The following STARD13 variants were observed in gnomAD, a reference collection of about 807,000 sequenced individuals.
STARD13 encodes the protein stAR-related lipid transfer protein 13.
A neutral mutation model predicts 106.4 loss-of-function variants in STARD13; 62 were observed. The observed-to-expected ratio is 0.58, with a 90% CI of 0.48 to 0.72. The LOEUF is 0.72. STARD13 is among the 30% of genes least tolerant of loss of function. The pLI is 0.00. For missense variants in STARD13, 1,387 were observed against 1,424.0 expected (o/e 0.97, Z 0.42); for synonymous variants, 565 against 553.0 (o/e 1.02, Z -0.31).
chr13:33,581,847 G>T, the STARD13 span, among the ~76,000 whole-genome samples: 1 of 152,116 alleles, frequency 6.6e-6, no homozygotes, highest in Non-Finnish European at 1.5e-5. Context: ...ATAAAGGAAG[G>T]TTACTACATT....
chr13:33,650,164 ATTTTTTTT>A, the STARD13 span, among the ~76,000 whole-genome samples: 50 of 48,364 alleles, frequency 1.0e-3, 4 homozygotes, highest in Admixed American at 0.011. Context: ...CGTGACTCCA[ATTTTTTTT>A]TTTTTTTTTT....
the STARD13 span, among the ~76,000 whole-genome samples, chr13:33,640,141 A>T: frequency 6.6e-6 from 1 of 152,196 alleles, no homozygotes; most frequent in Non-Finnish European, 1.5e-5. Context: ...TAACAGGCCC[A>T]CAAGGGTGTC....
At chr13:33,676,442 A>G in the STARD13 span, among the ~76,000 whole-genome samples, 1 of 152,360 alleles carries the variant, frequency 6.6e-6, no homozygotes, top group Non-Finnish European at 1.5e-5. Flanking sequence ...TAAAAGTACA[A>G]CAAATCTACA....
At chr13:33,625,485 A>G in the STARD13 span, among the ~76,000 whole-genome samples, 18,204 of 150,472 alleles carry the variant, frequency 0.12, 2,763 homozygotes, top group African/African-American at 0.36. Context: ...CAGGAGAATC[A>G]CTTGAACCCG....
the STARD13 span, among the ~76,000 whole-genome samples, chr13:33,627,967 T>C: frequency 6.7e-6 from 1 of 150,358 alleles, no homozygotes; most frequent in Non-Finnish European, 1.5e-5. Flanking sequence ...TTTTTTTTCT[T>C]TCTTTTTTTT....
intron 4 of STARD13, chr13:33,138,815 C>A (rs1566017595): frequency 4.3e-6 from 2 of 467,990 alleles, no homozygotes; most frequent in Admixed American, 2.3e-5. Flanking sequence ...CTGACTCTTA[C>A]AGAGGCAGGG....
intron 1 of STARD13, among the ~76,000 whole-genome samples, chr13:33,328,914 T>C (rs2077805827): frequency 6.6e-6 from 1 of 152,260 alleles, no homozygotes; most frequent in Admixed American, 6.5e-5. Context: ...GTTACTTTAT[T>C]GTTGCCCTGG....
chr13:33,273,382 C>T (rs1891255659), intron 1 of STARD13, among the ~76,000 whole-genome samples: 1 of 152,132 alleles, frequency 6.6e-6, no homozygotes, highest in Non-Finnish European at 1.5e-5. Flanking sequence ...TTGCAAGGCT[C>T]AAGATTAACA....
chr13:33,129,484 G>A lies in STARD13; in HGVS notation c.1193C>T (p.Pro398Leu). The stretch of plus-strand genomic sequence containing the variant: ...GAATGTTCCTGGTTTGTGATCCTTG[G>A]GAATATGCACCACCAAATTCTCTTG... ...HSQENLVVHIPKDHKPGTFPK... is the reference protein window; with the variant it reads ...HSQENLVVHILKDHKPGTFPK... The change falls in exon 5 of 14, where the codon CCC (proline) becomes CTC (leucine). Residue 398 changes from proline (P) to leucine (L), a missense_variant. By Grantham distance (98) the Pro-to-Leu change is moderately conservative. Transcript: ENST00000336934. The A allele has an allele frequency of 6.2e-7, 1 of 1,614,170 alleles. No individual in the cohort carries two copies. The highest frequency in any genetic ancestry group is 8.5e-7 in the Non-Finnish European group (1 of 1,180,044).
chr13:33,178,208 C>T (rs1283094113), intron 1 of STARD13, among the ~76,000 whole-genome samples: 1 of 152,194 alleles, frequency 6.6e-6, no homozygotes, highest in African/African-American at 2.4e-5. Context: ...TGCTTTTGCA[C>T]TCGACAATGC....
rs1225386758 is a variant in STARD13 at position 33,274,790 on chromosome 13, C to T, written c.169+10680G>A. 5.3e-5 allele frequency among the ~76,000 whole-genome samples: 8 copies of T among 152,144 alleles called. 1 individual carries two copies. Among genetic ancestry groups the T allele is most frequent in the Admixed American group, 3.9e-4 (6 of 15,266 alleles). ...TTGCTTTGAAAAGATGGCTGTTAAA[C>T]GGATATTTGGGTTCTAAGGAATACA... is the stretch of plus-strand genomic sequence containing the variant. On this transcript the variant is annotated intron_variant, in intron 1 of 13. Coordinates refer to ENST00000336934, the MANE Select transcript of STARD13 (RefSeq NM_178006.4).
the STARD13 span, among the ~76,000 whole-genome samples, chr13:33,557,517 A>G: frequency 1.3e-5 from 2 of 152,212 alleles, no homozygotes; most frequent in Non-Finnish European, 2.9e-5. Context: ...AAGAATTTAC[A>G]TTCTTCATAA....
At chr13:33,444,532 A>G in the STARD13 span, among the ~76,000 whole-genome samples, 24 of 152,272 alleles carry the variant, frequency 1.6e-4, no homozygotes, top group Non-Finnish European at 2.8e-4. Flanking sequence ...TTGGGAGGCC[A>G]AGGTGGGAGG....
the STARD13 span, among the ~76,000 whole-genome samples, chr13:33,383,391 C>G: frequency 6.6e-6 from 1 of 152,002 alleles, no homozygotes; most frequent in African/African-American, 2.4e-5. Flanking sequence ...AAAAAAAGGT[C>G]TGGCAATGGC....
the STARD13 span, among the ~76,000 whole-genome samples, chr13:33,662,606 CA>C: frequency 6.6e-6 from 1 of 152,190 alleles, no homozygotes; most frequent in Non-Finnish European, 1.5e-5. Context: ...GCCATGGTCA[CA>C]AGCCAATCCA....
chr13:33,436,108 G>A, the STARD13 span, among the ~76,000 whole-genome samples: 1 of 152,176 alleles, frequency 6.6e-6, no homozygotes. Context: ...AGCTCTTGGA[G>A]GAAGGTTGAA....
chr13:33,186,025 A>G lies in STARD13; in HGVS notation c.170-18403T>C, dbSNP rs116325949. The G allele has an allele frequency of 2.2e-3, 3,562 of 1,614,104 alleles. 76 individuals carry two copies. The African/African-American group carries it at 0.043, about 19-fold the overall frequency. ...AGAACTGAGGAGGGTTCCAGCATGG[A>G]GGTTCAAAGAAATTCAGAGCAAGGA... On this transcript the variant is annotated intron_variant, in intron 1 of 13. Coordinates refer to ENST00000336934, the MANE Select transcript of STARD13 (RefSeq NM_178006.4).
chr13:33,308,479 T>C (rs574948434), intron 1 of STARD13, among the ~76,000 whole-genome samples: 11 of 151,632 alleles, frequency 7.3e-5, no homozygotes, highest in African/African-American at 2.4e-4. Context: ...ATTTTTCTAA[T>C]TTCTTTTTCT....
intron 1 of STARD13, among the ~76,000 whole-genome samples, chr13:33,210,383 A>C (rs551240609): frequency 1.8e-4 from 28 of 152,354 alleles, no homozygotes; most frequent in African/African-American, 6.3e-4. Flanking sequence ...AACTGCACTT[A>C]ATGCCCAAAT....
Sources: allele counts gnomAD v4.1 joint callset (sites outside exome capture counted in the v4.1 genomes callset), GRCh38; gene constraint gnomAD v4.1.1; transcripts MANE v1.5; gene names NCBI Gene and HGNC (gene_info 2026-07-23, HGNC 2026-07-21).